The following CLMN variants were observed in gnomAD, a reference collection of about 807,000 sequenced individuals.
CLMN encodes calmin (calponin-like, transmembrane).
A neutral mutation model predicts 92.7 loss-of-function variants in CLMN; 57 were observed. The observed-to-expected ratio is 0.61, with a 90% CI of 0.50 to 0.77. The LOEUF (loss-of-function observed/expected upper bound fraction) is 0.77, where lower values mean the gene tolerates loss of function less well. Among genes scored for constraint, CLMN ranks in the 30% least tolerant of loss-of-function variants. The pLI is 0.00. For synonymous variants in CLMN, 466 were observed against 470.6 expected, an observed-to-expected ratio of 0.99 and a Z score of 0.13; for missense variants, 1,158 against 1,237.5, an observed-to-expected ratio of 0.94 and a Z score of 0.96.
intron 12 of CLMN, chr14:95,193,470 C>T: frequency 8.6e-7 from 1 of 1,160,040 alleles, no homozygotes; most frequent in East Asian, 2.6e-5. Context: ...TTCACAGGGG[C>T]CACACAGCCT....
chr14:95,195,413 C>T (rs1896680521), intron 10 of CLMN, among the ~76,000 whole-genome samples: 2 of 152,226 alleles, frequency 1.3e-5, no homozygotes, highest in Admixed American at 1.3e-4. Flanking sequence ...GCCCTCCTCC[C>T]CCTGCCTCTG....
At chr14:95,287,499 G>A (rs993742856) in intron 1 of CLMN, among the ~76,000 whole-genome samples, 4 of 152,210 alleles carry the variant, frequency 2.6e-5, no homozygotes, top group Non-Finnish European at 5.9e-5. Flanking sequence ...GAGGGTCTGA[G>A]AGCAGCACCC....
At chr14:95,255,153 C>T (rs762115593) in intron 1 of CLMN, among the ~76,000 whole-genome samples, 1 of 152,302 alleles carries the variant, frequency 6.6e-6, no homozygotes, top group East Asian at 1.9e-4. Context: ...CATCTGCAAG[C>T]CAAGGAGAGC....
At chr14:95,199,462 G>A (rs1437403520) in intron 9 of CLMN, 2 of 152,300 alleles carry the variant, frequency 1.3e-5, no homozygotes, top group African/African-American at 2.4e-5. Flanking sequence ...GCTCTGATGA[G>A]CCAGGGCTTT....
At chr14:95,217,844 A>G (rs1261465313) in intron 4 of CLMN, among the ~76,000 whole-genome samples, 1 of 152,160 alleles carries the variant, frequency 6.6e-6, no homozygotes. Flanking sequence ...GCACCATCCC[A>G]AGAGGGGAAG....
At chr14:95,268,035 T>C (rs1393467506) in intron 1 of CLMN, among the ~76,000 whole-genome samples, 3 of 152,006 alleles carry the variant, frequency 2.0e-5, no homozygotes, top group Admixed American at 6.5e-5. Context: ...GGAGAGGGGA[T>C]GAAGAGAAGT....
intron 1 of CLMN, among the ~76,000 whole-genome samples, chr14:95,281,775 G>A (rs146452277): frequency 3.3e-5 from 5 of 152,308 alleles, no homozygotes; most frequent in East Asian, 1.9e-4. Flanking sequence ...TACTCCTCGT[G>A]TAGAAATGCA....
chr14:95,299,861 T>C (rs1900970343), intron 1 of CLMN, among the ~76,000 whole-genome samples: 1 of 152,248 alleles, frequency 6.6e-6, no homozygotes, highest in Non-Finnish European at 1.5e-5. Context: ...AATAGTTCTT[T>C]CATTTTTCTG....
chr14:95,263,435 AAC>A (rs1362410607), intron 1 of CLMN, among the ~76,000 whole-genome samples: 1 of 152,160 alleles, frequency 6.6e-6, no homozygotes, highest in Non-Finnish European at 1.5e-5. Context: ...GACACAGCCA[AAC>A]CCTATTACCC....
chr14:95,241,951 T>C lies in CLMN; in HGVS notation c.83-11818A>G, dbSNP rs1018565582. On this transcript the variant is annotated intron_variant, in intron 1 of 12. Coordinates refer to ENST00000298912, the MANE Select transcript of CLMN (RefSeq NM_024734.4). ...GAGTACCCGAAGGGATTTTTGTTAT[T>C]ACAAGGTCTCCCTAATGCCACAGAC... Among the ~76,000 whole-genome samples the C allele has an allele frequency of 2.0e-5, 3 of 152,258 alleles. No individual in the cohort carries two copies. The South Asian group carries it at 6.2e-4, about 32-fold the overall frequency.
intron 5 of CLMN, among the ~76,000 whole-genome samples, chr14:95,214,068 G>A (rs1335081926): frequency 6.6e-6 from 1 of 151,916 alleles, no homozygotes; most frequent in Non-Finnish European, 1.5e-5. Flanking sequence ...TGAGCTAGCT[G>A]CCCCTGCTTG....
chr14:95,285,881 C>T (rs1450217100), intron 1 of CLMN, among the ~76,000 whole-genome samples: 1 of 152,192 alleles, frequency 6.6e-6, no homozygotes, highest in Non-Finnish European at 1.5e-5. Flanking sequence ...CTCTTTCCCA[C>T]CCATCCCAGA....
intron 1 of CLMN, among the ~76,000 whole-genome samples, chr14:95,288,518 T>C (rs1360389788): frequency 6.6e-6 from 1 of 152,200 alleles, no homozygotes; most frequent in East Asian, 1.9e-4. Flanking sequence ...TGCTAGGTGA[T>C]GAAGCACAAG....
intron 1 of CLMN, among the ~76,000 whole-genome samples, chr14:95,316,089 G>A (rs1315908092): frequency 6.6e-6 from 1 of 152,238 alleles, no homozygotes; most frequent in East Asian, 1.9e-4. Flanking sequence ...GGGGCAGCCA[G>A]ACTAGCCTGT....
chr14:95,193,815 C>T, intron 12 of CLMN, 34 bp downstream of exon 12: 1 of 1,610,834 alleles, frequency 6.2e-7, no homozygotes, highest in Non-Finnish European at 8.5e-7. Context: ...CATTTTATTA[C>T]TACCCCCACA....
chr14:95,257,263 C>T (rs1324450317), intron 1 of CLMN, among the ~76,000 whole-genome samples: 13 of 152,160 alleles, frequency 8.5e-5, no homozygotes, highest in African/African-American at 4.8e-5. Flanking sequence ...GTCAACCGCC[C>T]GCTGCATCTA....
chr14:95,199,272 C>G (rs1896810278), intron 9 of CLMN: 1 of 152,212 alleles, frequency 6.6e-6, no homozygotes, highest in Admixed American at 6.5e-5. Context: ...CCCTTATTCT[C>G]TTTATTGGCT....
At position 95,191,893 on chromosome 14, in the gene CLMN, C is replaced by T. The variant is rs1896572193; in HGVS notation, c.2841-161G>A. The T allele has an allele frequency of 5.0e-6, 3 of 605,402 alleles. No homozygotes were observed. Among genetic ancestry groups the T allele is most frequent in the Admixed American group, 3.3e-5 (1 of 29,866 alleles). 37.5% of individuals were successfully genotyped at this position (605,402 alleles called of 1,614,324 possible). A position where few individuals can be genotyped will look rare whatever the true frequency, so the allele number is the denominator to read the frequency against. ...GTAGGCCCCACACTGTGTGTACTGGCCCAAGGCAGTGCGTCGGGCCATCCA... is the reference window on the plus strand; with the variant it reads ...GTAGGCCCCACACTGTGTGTACTGGTCCAAGGCAGTGCGTCGGGCCATCCA... On this transcript the variant is annotated intron_variant, in intron 12 of 12. Coordinates refer to ENST00000298912, the MANE Select transcript of CLMN (RefSeq NM_024734.4). This position sits in a 1 kb window ranked among gnomAD's most constrained non-coding sequence, Gnocchi z 5.3.
In CLMN at chr14:95,220,715, G is replaced by C. The variant is rs552699844; in HGVS notation, c.324+976C>G. 1.4e-4 allele frequency among the ~76,000 whole-genome samples: 22 copies of C among 152,348 alleles called. No individual in the cohort carries two copies. In the East Asian group the frequency reaches 3.9e-3, roughly 27 times the overall value. On this transcript the variant is annotated intron_variant, in intron 4 of 12. Transcript: ENST00000298912. ...GCTTTCCCATCCTCCTTTGCCCCTG[G>C]AATGTGGGCTGAGGCCCAGGCTGTG...
Sources: gnomAD v4.1 joint callset for allele counts (sites outside exome capture counted in the v4.1 genomes callset) on GRCh38, gnomAD v4.1.1 for gene constraint, Gnocchi (gnomAD v3.1) non-coding constraint, MANE v1.5 for transcripts, NCBI Gene and HGNC (gene_info 2026-07-23, HGNC 2026-07-21) for gene names.